The following CAST variants were observed in gnomAD, a reference collection of about 807,000 sequenced individuals.
CAST encodes calpastatin, also known as MIR583 host.
Under a neutral mutation model 119.6 loss-of-function variants are expected in CAST, and 76 were observed. The observed-to-expected ratio is 0.64, with a 90% CI of 0.53 to 0.77. The LOEUF is 0.77. Among genes scored for constraint, CAST ranks in the 30% least tolerant of loss-of-function variants. The pLI, the probability that CAST is intolerant of heterozygous loss-of-function variation, is 0.00. For synonymous variants in CAST, 319 were observed against 331.6 expected (o/e 0.96, Z 0.41); for missense variants, 953 against 946.5 (o/e 1.01, Z -0.09).
chr5:95,974,824 AG>A, the CAST span, among the ~76,000 whole-genome samples: 1 of 152,364 alleles, frequency 6.6e-6, no homozygotes, highest in African/African-American at 2.4e-5. Flanking sequence ...ATATAATGAA[AG>A]AACAATATAA....
the CAST span, among the ~76,000 whole-genome samples, chr5:96,467,739 T>G: frequency 6.6e-6 from 1 of 151,960 alleles, no homozygotes; most frequent in Non-Finnish European, 1.5e-5. Context: ...CAATAGCTGT[T>G]GGCGTGGATG....
chr5:96,424,635 A>G, the CAST span, among the ~76,000 whole-genome samples: 3,750 of 152,288 alleles, frequency 0.025, 152 homozygotes, highest in African/African-American at 0.086. Context: ...GTTAACTGAT[A>G]AGTCTCTTCT....
the CAST span, among the ~76,000 whole-genome samples, chr5:96,345,623 G>T: frequency 1.3e-5 from 2 of 152,132 alleles, no homozygotes; most frequent in Middle Eastern, 3.2e-3. Context: ...CTGGCTCAGG[G>T]TCTCATGAAG....
chr5:96,596,584 A>G (rs966469013), intron 1 of CAST, among the ~76,000 whole-genome samples: 2 of 152,174 alleles, frequency 1.3e-5, no homozygotes, highest in Admixed American at 6.5e-5. Context: ...TAAGCTATAG[A>G]GCTCTTTGTG....
chr5:96,217,361 A>T, the CAST span, among the ~76,000 whole-genome samples: 10,877 of 125,348 alleles, frequency 0.087, 1,324 homozygotes, highest in African/African-American at 0.3. Flanking sequence ...TTTTTTTTTT[A>T]ACCAAGAACA....
the CAST span, among the ~76,000 whole-genome samples, chr5:96,122,289 A>G: frequency 3.3e-5 from 5 of 152,180 alleles, no homozygotes; most frequent in Non-Finnish European, 7.4e-5. Context: ...TTTGCTGTAC[A>G]CTTGAGAGAA....
At chr5:96,305,694 G>C in the CAST span, among the ~76,000 whole-genome samples, 51 of 151,714 alleles carry the variant, frequency 3.4e-4, 1 homozygote, top group Non-Finnish European at 2.8e-4. Context: ...GGCCTTTTCT[G>C]CATCTATTGA....
Position 96,722,678 on chromosome 5 carries a change from A to G in CAST, c.250A>G (p.Met84Val). ...TGGTGCAACCAGCAAGTCTTCCAGT[A>G]TGAATCCCACAGAAACCAAGGTATG... ...SSGATSKSSSMNPTETKAIPV... is the reference protein window; with the variant it reads ...SSGATSKSSSVNPTETKAIPV... Residue 84 changes from methionine to valine, a missense_variant, in exon 4 of 32, where the codon ATG becomes GTG. Physicochemically the swap from Met to Val is conservative, Grantham distance 21 (BLOSUM62 1). Coordinates refer to ENST00000675179, the MANE Select transcript of CAST (RefSeq NM_001750.7). 6 of 1,613,086 alleles carry G rather than the reference A, an allele frequency of 3.7e-6. No homozygotes were observed. The highest frequency in any genetic ancestry group is 1.1e-5 in the South Asian group (1 of 91,064).
chr5:96,118,556 T>C, the CAST span, among the ~76,000 whole-genome samples: 1 of 151,904 alleles, frequency 6.6e-6, no homozygotes, highest in Non-Finnish European at 1.5e-5. Flanking sequence ...AATATTTACA[T>C]AAATGTCTAC....
the CAST span, among the ~76,000 whole-genome samples, chr5:96,405,653 G>T: frequency 0.01 from 1,559 of 152,204 alleles, 27 homozygotes; most frequent in African/African-American, 0.035. Flanking sequence ...CCTGGGTGAC[G>T]GAGTGAGACA....
chr5:96,482,755 C>A, the CAST span, among the ~76,000 whole-genome samples: 12 of 152,076 alleles, frequency 7.9e-5, no homozygotes, highest in Non-Finnish European at 1.5e-4. Flanking sequence ...GTGAACGTGG[C>A]CTTCCATTCT....
chr5:96,382,315 G>T, the CAST span, among the ~76,000 whole-genome samples: 1 of 152,104 alleles, frequency 6.6e-6, no homozygotes, highest in Non-Finnish European at 1.5e-5. Flanking sequence ...TGCTGTTTGT[G>T]CTACTACTGT....
At chr5:96,392,851 A>T in the CAST span, 1 of 773,078 alleles carries the variant, frequency 1.3e-6, no homozygotes, top group Non-Finnish European at 2.2e-6. Flanking sequence ...CATCCCCTTC[A>T]CATGTACAGT....
intron 3 of CAST, among the ~76,000 whole-genome samples, chr5:96,711,545 A>G (rs902402989): frequency 1.3e-5 from 2 of 152,214 alleles, no homozygotes; most frequent in Non-Finnish European, 2.9e-5. Context: ...TAAGAGTTGC[A>G]TATTTTACAA....
the CAST span, among the ~76,000 whole-genome samples, chr5:96,414,472 A>G: frequency 3.9e-5 from 6 of 152,204 alleles, no homozygotes; most frequent in Non-Finnish European, 8.8e-5. Context: ...TCTAGCCCCT[A>G]AATCTGTTAA....
chr5:95,967,420 A>AATAAG, the CAST span, among the ~76,000 whole-genome samples: 1 of 149,788 alleles, frequency 6.7e-6, no homozygotes, highest in African/African-American at 2.5e-5. Flanking sequence ...CTATCTTTAA[A>AATAAG]TAAATAAATA....
chr5:96,333,837 C>T, the CAST span, among the ~76,000 whole-genome samples: 1 of 152,168 alleles, frequency 6.6e-6, no homozygotes, highest in Admixed American at 6.5e-5. Flanking sequence ...ACATGCAACC[C>T]TTAGCCTCTC....
the CAST span, among the ~76,000 whole-genome samples, chr5:96,246,187 C>CTTT: frequency 1.3e-5 from 1 of 76,386 alleles, no homozygotes. Flanking sequence ...GTCTGTCTTC[C>CTTT]TTTTTTTTTT....
the CAST span, among the ~76,000 whole-genome samples, chr5:96,470,739 A>G: frequency 6.6e-6 from 1 of 152,086 alleles, no homozygotes; most frequent in African/African-American, 2.4e-5. Flanking sequence ...ATAGATTTGC[A>G]TATCTTTTAC....
Sources: gnomAD v4.1 joint callset for allele counts (sites outside exome capture counted in the v4.1 genomes callset) on GRCh38, gnomAD v4.1.1 for gene constraint, MANE v1.5 for transcripts, NCBI Gene and HGNC (gene_info 2026-07-23, HGNC 2026-07-21) for gene names.